SZRD1: variants seen among roughly 807,000 people sequenced by gnomAD.
SZRD1 encodes SUZ RNA binding domain containing 1.
A neutral mutation model predicts 17.6 loss-of-function variants in SZRD1; 7 were observed. The observed-to-expected ratio is 0.40, with a 90% confidence interval of 0.23 to 0.75. SZRD1 has a LOEUF of 0.75. SZRD1 is among the 30% of genes least tolerant of loss of function. The pLI, the probability that SZRD1 is intolerant of heterozygous loss-of-function variation, is 0.38. For synonymous variants in SZRD1, 77 were observed against 77.9 expected (o/e 0.99, Z 0.06); for missense variants, 178 against 201.8 (o/e 0.88, Z 0.71).
At chr1:16,383,973 G>T (rs1192328420) in intron 1 of SZRD1, among the ~76,000 whole-genome samples, 3 of 152,164 alleles carry the variant, frequency 2.0e-5, no homozygotes, top group Non-Finnish European at 4.4e-5. Context: ...ATTGTAACAT[G>T]ATTATTATTT....
intron 1 of SZRD1, among the ~76,000 whole-genome samples, chr1:16,378,120 A>G (rs191481456): frequency 2.0e-5 from 3 of 152,212 alleles, no homozygotes; most frequent in Admixed American, 2.0e-4. Flanking sequence ...TTTCAGGTAT[A>G]GGGCTGAGTG....
chr1:16,377,750 T>G (rs1033530220), intron 1 of SZRD1, among the ~76,000 whole-genome samples: 2 of 152,172 alleles, frequency 1.3e-5, no homozygotes, highest in Admixed American at 6.6e-5. Flanking sequence ...TAATAGAATT[T>G]GCCTTGCCTG....
At chr1:16,392,888 C>G (rs544464339) in intron 2 of SZRD1, among the ~76,000 whole-genome samples, 6 of 152,274 alleles carry the variant, frequency 3.9e-5, no homozygotes, top group African/African-American at 1.4e-4. Flanking sequence ...TCATTCAATT[C>G]TGGACATAAA....
In SZRD1 at chr1:16,393,575, C is replaced by A. The variant is rs1376412153; in HGVS notation, c.356+93C>A. 5 of 1,350,372 alleles carry A rather than the reference C, an allele frequency of 3.7e-6. No homozygotes were observed. In the African/African-American group the frequency reaches 5.7e-5, roughly 16 times the overall value. 83.6% of individuals were successfully genotyped at this position (1,350,372 alleles called of 1,614,324 possible). Reference sequence around the variant, plus strand: ...TGGCTGCGTGTAGAGTAGTGAGAAGCAAGCAGAGTCAGGGTAGGAACCATG... The same window carrying A: ...TGGCTGCGTGTAGAGTAGTGAGAAGAAAGCAGAGTCAGGGTAGGAACCATG... On this transcript the variant is annotated intron_variant, in intron 3 of 3. Coordinates refer to ENST00000401088, the MANE Select transcript of SZRD1 (RefSeq NM_001114600.3). This position sits in a 1 kb window ranked among gnomAD's most constrained non-coding sequence, Gnocchi z 5.6.
chr1:16,380,913 C>CTT (rs573976466), intron 1 of SZRD1, among the ~76,000 whole-genome samples: 12,246 of 143,312 alleles, frequency 0.085, 664 homozygotes, highest in Non-Finnish European at 0.13. Flanking sequence ...AGCCCCTCAT[C>CTT]TTTTTTTTTT....
intron 1 of SZRD1, among the ~76,000 whole-genome samples, chr1:16,382,038 A>G (rs898452004): frequency 6.6e-6 from 1 of 152,206 alleles, no homozygotes; most frequent in Non-Finnish European, 1.5e-5. Context: ...CAGTGGGGCC[A>G]ATGTGGTGGC....
chr1:16,378,974 G>A (rs140654079), intron 1 of SZRD1, among the ~76,000 whole-genome samples: 4 of 152,018 alleles, frequency 2.6e-5, no homozygotes, highest in African/African-American at 4.8e-5. Context: ...GGATCCACCC[G>A]CCTCGGCCTC....
chr1:16,379,588 A>G (rs1233595562), intron 1 of SZRD1, among the ~76,000 whole-genome samples: 2 of 152,202 alleles, frequency 1.3e-5, no homozygotes, highest in African/African-American at 4.8e-5. Flanking sequence ...CTGAGCTCTT[A>G]TTTTGAATAT....
At position 16,383,330 on chromosome 1, in the gene SZRD1, AC is replaced by A. The variant is rs1033008091; in HGVS notation, c.52-8044del. Among the ~76,000 whole-genome samples the A allele has an allele frequency of 4.6e-5, 7 of 150,538 alleles. No individual in the cohort carries two copies. In the East Asian group the frequency reaches 9.8e-4, roughly 21 times the overall value. On this transcript the variant is annotated intron_variant, in intron 1 of 3. Coordinates refer to ENST00000401088, the MANE Select transcript of SZRD1 (RefSeq NM_001114600.3). ...ACTCTTGGACTTAAGCAATCCTCCC[AC>A]TTCAGCAGCCTCCCAAGTAGCTGGG...
In SZRD1 at chr1:16,395,348, G is replaced by T; in HGVS notation, c.*208G>T. 9 of 598,544 alleles carry T rather than the reference G, an allele frequency of 1.5e-5. No individual in the cohort carries two copies. Among genetic ancestry groups the T allele is most frequent in the Non-Finnish European group, 2.8e-5 (9 of 323,198 alleles). 37.1% of individuals were successfully genotyped at this position (598,544 alleles called of 1,614,324 possible). ...CTTCTCCCCCTTCCCACTGTGATTG[G>T]CACATCGACAAGGGCTGTCCCAAGT... On this transcript the variant is annotated 3_prime_UTR_variant, in exon 4 of 4. Coordinates refer to ENST00000401088, the MANE Select transcript of SZRD1 (RefSeq NM_001114600.3).
At chr1:16,370,202 G>C (rs2082890133) in intron 1 of SZRD1, among the ~76,000 whole-genome samples, 2 of 151,232 alleles carry the variant, frequency 1.3e-5, no homozygotes, top group Non-Finnish European at 2.9e-5. Context: ...GGAAAATTTG[G>C]GAATTGGGTG....
chr1:16,387,961 A>G (rs1377210306), intron 1 of SZRD1, among the ~76,000 whole-genome samples: 4 of 152,168 alleles, frequency 2.6e-5, no homozygotes, highest in Non-Finnish European at 5.9e-5. Flanking sequence ...GAAAACATCC[A>G]GGTCGTTCTC....
chr1:16,380,017 C>T (rs1259098803), intron 1 of SZRD1, among the ~76,000 whole-genome samples: 1 of 152,118 alleles, frequency 6.6e-6, no homozygotes, highest in Non-Finnish European at 1.5e-5. Context: ...CTATTTTAGA[C>T]ATTGGACAAA....
intron 1 of SZRD1, among the ~76,000 whole-genome samples, chr1:16,379,016 T>G (rs1214894772): frequency 6.6e-6 from 1 of 151,958 alleles, no homozygotes; most frequent in Non-Finnish European, 1.5e-5. Context: ...TGTGAGCCAC[T>G]GTGCCCGACC....
intron 1 of SZRD1, among the ~76,000 whole-genome samples, chr1:16,385,396 C>G (rs2083171983): frequency 6.6e-6 from 1 of 151,994 alleles, no homozygotes; most frequent in Admixed American, 6.6e-5. Context: ...TCGAATCAGT[C>G]CCCCAGGGCA....
In SZRD1 at chr1:16,397,960, G is replaced by T; in HGVS notation, c.*2820G>T. 1.6e-6 allele frequency: 1 copy of T among 634,670 alleles called. No individual in the cohort carries two copies. Among genetic ancestry groups the T allele is most frequent in the Non-Finnish European group, 2.0e-6 (1 of 509,742 alleles). The allele number at this position is 634,670 out of a possible 1,614,324, so 39.3% of individuals were successfully genotyped here. On this transcript the variant is annotated 3_prime_UTR_variant, in exon 4 of 4. Coordinates refer to ENST00000401088, the MANE Select transcript of SZRD1 (RefSeq NM_001114600.3). This position sits in a 1 kb window ranked among gnomAD's most constrained non-coding sequence, Gnocchi z 5.4. ...GTTTTCTGGTCGTGTGATCCCAGGG[G>T]TGCACATGGGCCCCTTGGGTGTCTG...
At position 16,396,056 on chromosome 1, in the gene SZRD1, T is replaced by G. The variant is rs1028849977; in HGVS notation, c.*916T>G. On this transcript the variant is annotated 3_prime_UTR_variant, in exon 4 of 4. Transcript: ENST00000401088. ...CCCTACCAGCCAGGCTTACTACTTC[T>G]AGAAGAAAGCAGAGTGCCAGGGAGT... is the stretch of plus-strand genomic sequence containing the variant. The G allele has an allele frequency of 5.2e-5, 8 of 152,654 alleles. No individual in the cohort carries two copies. The highest frequency in any genetic ancestry group is 1.9e-4 in the African/African-American group (8 of 41,450). 9.5% of individuals were successfully genotyped at this position (152,654 alleles called of 1,614,324 possible).
At chr1:16,392,152 G>A (rs1186363610) in intron 2 of SZRD1, among the ~76,000 whole-genome samples, 1 of 152,128 alleles carries the variant, frequency 6.6e-6, no homozygotes, top group African/African-American at 2.4e-5. Context: ...CTCCTTGTCT[G>A]TCTGCTCATC....
chr1:16,372,367 G>T (rs1040531330), intron 1 of SZRD1, among the ~76,000 whole-genome samples: 1 of 152,088 alleles, frequency 6.6e-6, no homozygotes, highest in Non-Finnish European at 1.5e-5. Context: ...CAGCTACTCC[G>T]GAGGCTGAGG....
Sources: gnomAD v4.1 joint callset for allele counts (sites outside exome capture counted in the v4.1 genomes callset) on GRCh38, gnomAD v4.1.1 for gene constraint, Gnocchi (gnomAD v3.1) non-coding constraint, MANE v1.5 for transcripts, NCBI Gene and HGNC (gene_info 2026-07-23, HGNC 2026-07-21) for gene names.